STYXL2: variants seen among roughly 807,000 people sequenced by gnomAD.
STYXL2 encodes serine/threonine/tyrosine interacting like 2, also known as serine/threonine/tyrosine-interacting-like protein 2.
Under a neutral mutation model 52.4 loss-of-function variants are expected in STYXL2, and 44 were observed. That is an observed-to-expected ratio of 0.84 (90% confidence interval 0.66 to 1.08). STYXL2 has a LOEUF of 1.08. STYXL2 is among the 50% of genes least tolerant of loss of function. STYXL2 has a pLI of 0.00. For synonymous variants in STYXL2, 604 were observed against 586.9 expected (o/e 1.03, Z -0.42); for missense variants, 1,604 against 1,471.7 (o/e 1.09, Z -1.47).
At chr1:167,113,624 A>T in intron 2 of STYXL2, 86 bp from the exon 3 acceptor site, 1 of 1,076,086 alleles carries the variant, frequency 9.3e-7, no homozygotes, top group Non-Finnish European at 1.4e-6. Context: ...CTTGTTGCTA[A>T]AATCAAAGCC....
In STYXL2 at chr1:167,117,530, G is replaced by C. The variant is rs780240980; in HGVS notation, c.408G>C (p.Glu136Asp). The C allele has an allele frequency of 6.2e-7, 1 of 1,606,840 alleles. No individual in the cohort carries two copies. Among genetic ancestry groups the C allele is most frequent in the Non-Finnish European group, 8.5e-7 (1 of 1,176,620 alleles). Reference protein sequence around the residue: ...RQEAPWNEVDEVWPNVFIAEK... With the variant: ...RQEAPWNEVDDVWPNVFIAEK... ...AGGCGCCCTGGAATGAGGTGGATGA[G>C]GTCTGGCCCAATGTCTTCATAGCTG... The change falls in exon 4 of 6, where the codon GAG (glutamate) becomes GAC (aspartate). Residue 136 changes from glutamate to aspartate, a missense_variant. Coordinates refer to ENST00000361200, the MANE Select transcript of STYXL2 (RefSeq NM_001080426.3).
At chr1:167,094,242 A>C (rs1221051290) in intron 1 of STYXL2, 48 bp downstream of exon 1, 1 of 153,360 alleles carries the variant, frequency 6.5e-6, no homozygotes, top group African/African-American at 2.4e-5. Context: ...CAGGACTTAC[A>C]ATACAAGGGG....
At chr1:167,103,641 A>G (rs1489231754) in intron 2 of STYXL2, among the ~76,000 whole-genome samples, 3 of 152,104 alleles carry the variant, frequency 2.0e-5, no homozygotes, top group Non-Finnish European at 4.4e-5. Context: ...ACTATGAGTC[A>G]CTCTCTGGAA....
At chr1:167,125,765 T>G (rs770539139) in intron 5 of STYXL2, 22 bp from the exon 6 acceptor site, 5 of 1,557,610 alleles carry the variant, frequency 3.2e-6, no homozygotes, top group Non-Finnish European at 4.3e-6. Flanking sequence ...TTACATCATT[T>G]TCTCTTGTGT....
chr1:167,128,381 G>A lies in STYXL2; in HGVS notation c.3250G>A (p.Ala1084Thr). The A allele has an allele frequency of 1.2e-6, 2 of 1,614,184 alleles. No individual in the cohort carries two copies. The highest frequency in any genetic ancestry group is 1.7e-6 in the Non-Finnish European group (2 of 1,180,006). Residue 1084 changes from alanine to threonine, a missense_variant, in exon 6 of 6, where the codon GCC becomes ACC. Physicochemically the swap from Ala to Thr is moderately conservative, Grantham distance 58. Transcript: ENST00000361200. Reference sequence around the variant, plus strand: ...CAAGTCAGACTTCTCTGAATTTGGAGCCAAGAGGAAGTTCACCCAGAGCTT... The same window carrying A: ...CAAGTCAGACTTCTCTGAATTTGGAACCAAGAGGAAGTTCACCCAGAGCTT... ...SSKSDFSEFG[A>T]KRKFTQSFMR...
intron 5 of STYXL2, among the ~76,000 whole-genome samples, chr1:167,125,051 A>G (rs755307616): frequency 6.6e-6 from 1 of 152,176 alleles, no homozygotes; most frequent in Non-Finnish European, 1.5e-5. Context: ...TGTTTGAAGG[A>G]CTCAAAATAG....
At position 167,117,831 on chromosome 1, in the gene STYXL2, C is replaced by T. The variant is rs911888124; in HGVS notation, c.437+272C>T. 5.3e-5 allele frequency among the ~76,000 whole-genome samples: 8 copies of T among 152,218 alleles called. No homozygotes were observed. The East Asian group carries it at 1.5e-3, about 29-fold the overall frequency. On this transcript the variant is annotated intron_variant, in intron 4 of 5. Coordinates refer to ENST00000361200, the MANE Select transcript of STYXL2 (RefSeq NM_001080426.3). The stretch of plus-strand genomic sequence containing the variant: ...CAAGAAGGCCTCTGGGCCTCCTTTC[C>T]TGCCACAGAGTCTTGCCGACTTCAC...
At chr1:167,113,635 A>T (rs1667660955) in intron 2 of STYXL2, 75 bp from the exon 3 acceptor site, 2 of 1,167,742 alleles carry the variant, frequency 1.7e-6, no homozygotes, top group Non-Finnish European at 2.6e-6. Flanking sequence ...AATCAAAGCC[A>T]GGTTTCTCAT....
intron 5 of STYXL2, among the ~76,000 whole-genome samples, chr1:167,122,964 C>T (rs1667889742): frequency 1.3e-5 from 2 of 152,310 alleles, no homozygotes; most frequent in African/African-American, 2.4e-5. Context: ...CTGCACCCAG[C>T]CTGTACTTTC....
Position 167,113,773 on chromosome 1 carries a change from A to G in STYXL2, c.174A>G (p.Ser58=). ...SIFMEPIHLS[S]AIAAKQIINE... ...TCATGGAACCCATTCACCTCTCCTC[A>G]GCCATTGCAGCCAAACAGATCATCA... Residue 58 remains serine, a synonymous_variant, in exon 3 of 6, where the codon TCA becomes TCG. Coordinates refer to ENST00000361200, the MANE Select transcript of STYXL2 (RefSeq NM_001080426.3). 2 of 1,614,022 alleles carry G rather than the reference A, an allele frequency of 1.2e-6. No homozygotes were observed. Among genetic ancestry groups the G allele is most frequent in the Non-Finnish European group, 1.7e-6 (2 of 1,179,930 alleles).
Position 167,126,768 on chromosome 1 carries a change from G to A in STYXL2, c.1637G>A (p.Arg546Lys). 6.2e-7 allele frequency: 1 copy of A among 1,614,240 alleles called. No homozygotes were observed. The highest frequency in any genetic ancestry group is 8.5e-7 in the Non-Finnish European group (1 of 1,180,050). The change falls in exon 6 of 6, where the codon AGA becomes AAA. Residue 546 changes from arginine to lysine, a missense_variant. By Grantham distance (26) the Arg-to-Lys change is conservative. Coordinates refer to ENST00000361200, the MANE Select transcript of STYXL2 (RefSeq NM_001080426.3). The part of the protein sequence containing the change: ...RNKDKLTALE[R>K]WKIKRIQFGF... ...AAGGACAAGCTCACTGCCCTGGAAA[G>A]ATGGAAGATCAAGAGAATCCAATTT...
At chr1:167,118,866 G>A (rs1179014194) in intron 4 of STYXL2, among the ~76,000 whole-genome samples, 3 of 152,142 alleles carry the variant, frequency 2.0e-5, no homozygotes, top group Non-Finnish European at 4.4e-5. Context: ...GACAATTATA[G>A]CATGCCATAT....
chr1:167,103,827 G>C (rs1667451181), intron 2 of STYXL2, among the ~76,000 whole-genome samples: 1 of 152,150 alleles, frequency 6.6e-6, no homozygotes. Context: ...TACAGCCTAA[G>C]AAGTAAGTGC....
Position 167,117,564 on chromosome 1 carries a change from G to A in STYXL2, c.437+5G>A. 6.3e-7 allele frequency: 1 copy of A among 1,585,994 alleles called. No individual in the cohort carries two copies. ...CAATGTCTTCATAGCTGAGAAGTGA[G>A]TCTGACTGCTCTTCATGACCCTTTG... On this transcript the variant is annotated splice_donor_5th_base_variant and intron_variant, in intron 4 of 5. Transcript: ENST00000361200.
At position 167,126,641 on chromosome 1, in the gene STYXL2, G is replaced by T. The variant is rs747437070; in HGVS notation, c.1510G>T (p.Ala504Ser). Residue 504 changes from alanine to serine, a missense_variant, in exon 6 of 6, where the codon GCG becomes TCG. Ala to Ser is a moderately conservative substitution (Grantham distance 99). Coordinates refer to ENST00000361200, the MANE Select transcript of STYXL2 (RefSeq NM_001080426.3). ...CCACGCCAAGAGCAAGAGAGAGGAG[G>T]CGGCAGACAGGAGCTCAGAAGCAGG... ...RYHAKSKREE[A>S]ADRSSEAGSR... is the part of the protein sequence containing the mutation. 2 of 1,614,110 alleles carry T rather than the reference G, an allele frequency of 1.2e-6. No individual in the cohort carries two copies. Among genetic ancestry groups the T allele is most frequent in the Non-Finnish European group, 1.7e-6 (2 of 1,180,016 alleles).
rs1272909286 is a variant in STYXL2, at chr1:167,127,127, G to A, written c.1996G>A (p.Asp666Asn). ...TCCCCTGTCTGCGTTCTGGTCTGCA[G>A]ACCCCTCAGTCAGCGCTGATGGGGA... is the stretch of plus-strand genomic sequence containing the variant. ...SIPLSAFWSADPSVSADGDTT... is the reference protein window; with the variant it reads ...SIPLSAFWSANPSVSADGDTT... The change falls in exon 6 of 6, where the codon GAC becomes AAC. Residue 666 changes from aspartate (D) to asparagine (N), a missense_variant. By Grantham distance (23) the Asp-to-Asn change is conservative. Transcript: ENST00000361200. 39 of 1,614,086 alleles carry A rather than the reference G, an allele frequency of 2.4e-5. No homozygotes were observed. The highest frequency in any genetic ancestry group is 3.3e-5 in the Non-Finnish European group (39 of 1,179,988).
At chr1:167,114,812 T>A (rs888383926) in intron 3 of STYXL2, among the ~76,000 whole-genome samples, 1 of 152,188 alleles carries the variant, frequency 6.6e-6, no homozygotes, top group Non-Finnish European at 1.5e-5. Flanking sequence ...CTCCAAGATA[T>A]CTTGTCCCAA....
intron 2 of STYXL2, among the ~76,000 whole-genome samples, chr1:167,105,187 T>C (rs1248427644): frequency 6.6e-6 from 1 of 152,014 alleles, no homozygotes; most frequent in African/African-American, 2.4e-5. Flanking sequence ...GTTTCCTTTT[T>C]TCCTTTCTGT....
At chr1:167,101,524 C>T (rs564121812) in intron 2 of STYXL2, among the ~76,000 whole-genome samples, 1 of 152,258 alleles carries the variant, frequency 6.6e-6, no homozygotes, top group South Asian at 2.1e-4. Context: ...CCTATGTCTG[C>T]AGGGCACAGT....
Sources: gnomAD v4.1 joint callset for allele counts (sites outside exome capture counted in the v4.1 genomes callset) on GRCh38, gnomAD v4.1.1 for gene constraint, MANE v1.5 for transcripts, NCBI Gene and HGNC (gene_info 2026-07-23, HGNC 2026-07-21) for gene names.